Variants in TTC23 observed in about 807,000 individuals in gnomAD.
TTC23 encodes tetratricopeptide repeat protein 23.
TTC23 carries 58 observed loss-of-function variants against 55.1 expected under a neutral mutation model. That is an observed-to-expected ratio of 1.05 (90% CI 0.85 to 1.31). The LOEUF (loss-of-function observed/expected upper bound fraction) is 1.31. Ranked by LOEUF, TTC23 falls within the 50% of genes most tolerant of loss-of-function variation. The probability of loss-of-function intolerance (pLI) is 0.00; values close to 1 mark genes in which losing one functional copy is unlikely to be tolerated. For missense variants in TTC23, 516 were observed against 534.4 expected, an observed-to-expected ratio of 0.97 and a Z score of 0.34; for synonymous variants, 203 against 199.9, an observed-to-expected ratio of 1.02 and a Z score of -0.13.
intron 9 of TTC23, among the ~76,000 whole-genome samples, chr15:99,189,809 C>T (rs2075069831): frequency 6.6e-6 from 1 of 152,094 alleles, no homozygotes; most frequent in Non-Finnish European, 1.5e-5. Context: ...GTGGATCTTG[C>T]ATTGGAGGAA....
Position 99,161,874 on chromosome 15 carries a change from A to G in TTC23, c.866-7T>C, listed in dbSNP as rs560033112. 6.3e-7 allele frequency: 1 copy of G among 1,590,464 alleles called. No individual in the cohort carries two copies. Among genetic ancestry groups the G allele is most frequent in the Admixed American group, 1.9e-5 (1 of 52,952 alleles). On this transcript the variant is annotated splice_region_variant and splice_polypyrimidine_tract_variant and intron_variant, in intron 10 of 13. Transcript: ENST00000394132. Reference sequence around the variant, plus strand: ...AAATACTGCTCAGCTACATCTGAAGAAAAGCATTTATCATAACTTTGAAAA... The same window carrying G: ...AAATACTGCTCAGCTACATCTGAAGGAAAGCATTTATCATAACTTTGAAAA...
chr15:99,142,127 CTCTGAGG>C (rs2068302197), intron 12 of TTC23, among the ~76,000 whole-genome samples: 1 of 152,128 alleles, frequency 6.6e-6, no homozygotes, highest in South Asian at 2.1e-4. Context: ...AGCTCCGTTG[CTCTGAGG>C]GGAGGGGATG....
intron 12 of TTC23, among the ~76,000 whole-genome samples, chr15:99,152,198 C>G (rs1056635131): frequency 6.6e-6 from 1 of 152,166 alleles, no homozygotes; most frequent in Non-Finnish European, 1.5e-5. Context: ...CTTGCTCCTG[C>G]TTTCCCCATG....
chr15:99,226,694 G>A (rs1465546923), intron 5 of TTC23, among the ~76,000 whole-genome samples: 2 of 152,006 alleles, frequency 1.3e-5, no homozygotes, highest in African/African-American at 2.4e-5. Flanking sequence ...AGATTTATGT[G>A]TGCTGTTTCC....
intron 12 of TTC23, among the ~76,000 whole-genome samples, chr15:99,153,251 C>A (rs1268813454): frequency 6.6e-6 from 1 of 152,206 alleles, no homozygotes; most frequent in African/African-American, 2.4e-5. Flanking sequence ...ATATTTCTTC[C>A]TGGCTAGACT....
chr15:99,164,249 T>C (rs2071754670), intron 10 of TTC23, among the ~76,000 whole-genome samples: 1 of 152,234 alleles, frequency 6.6e-6, no homozygotes, highest in South Asian at 2.1e-4. Flanking sequence ...ATTGTTGCTA[T>C]TCAACTCTGC....
intron 8 of TTC23, among the ~76,000 whole-genome samples, chr15:99,215,367 A>C (rs1195008749): frequency 6.6e-6 from 1 of 152,174 alleles, no homozygotes; most frequent in Admixed American, 6.5e-5. Flanking sequence ...TTGTTCAGGA[A>C]GTGGTTAAAT....
intron 9 of TTC23, among the ~76,000 whole-genome samples, chr15:99,197,905 CAAAAAAAAAAAAGA>C (rs1397587235): frequency 1.6e-5 from 2 of 128,568 alleles, no homozygotes; most frequent in African/African-American, 2.9e-5. Context: ...TCCGCTCAAA[CAAAAAAAAAAAAGA>C]AAAAAGAAAA....
At chr15:99,213,584 T>C (rs1232258286) in intron 8 of TTC23, among the ~76,000 whole-genome samples, 1 of 152,230 alleles carries the variant, frequency 6.6e-6, no homozygotes, top group African/African-American at 2.4e-5. Flanking sequence ...ACCTAATTTC[T>C]GGCAGGAAGG....
At chr15:99,240,825 C>T (rs1360266033) in intron 3 of TTC23, among the ~76,000 whole-genome samples, 2 of 152,160 alleles carry the variant, frequency 1.3e-5, no homozygotes, top group East Asian at 1.9e-4. Flanking sequence ...TTTTTATACA[C>T]CATTTGACTT....
chr15:99,232,411 G>A (rs575025934), intron 4 of TTC23, among the ~76,000 whole-genome samples: 8 of 151,438 alleles, frequency 5.3e-5, no homozygotes, highest in East Asian at 2.0e-4. Context: ...CTTGGGAGGC[G>A]GAGGTTGCAG....
chr15:99,248,550 C>G (rs1307243462), intron 1 of TTC23, among the ~76,000 whole-genome samples: 2 of 152,194 alleles, frequency 1.3e-5, no homozygotes, highest in Non-Finnish European at 2.9e-5. Context: ...GAGTCTTACC[C>G]ATACTGTGAA....
intron 12 of TTC23, among the ~76,000 whole-genome samples, chr15:99,149,648 TAA>T (rs1239076072): frequency 6.6e-6 from 1 of 152,152 alleles, no homozygotes; most frequent in African/African-American, 2.4e-5. Context: ...TGGCATAGAG[TAA>T]AGAGTCGGGC....
At chr15:99,233,708 C>G (rs550461089) in intron 4 of TTC23, among the ~76,000 whole-genome samples, 5 of 152,286 alleles carry the variant, frequency 3.3e-5, no homozygotes, top group African/African-American at 1.2e-4. Context: ...ACTCTCAATA[C>G]TTCTATACAG....
chr15:99,236,423 T>A lies in TTC23; in HGVS notation c.-113-1343A>T, dbSNP rs78260815. Among the ~76,000 whole-genome samples, 10 of 152,332 alleles carry A rather than the reference T, an allele frequency of 6.6e-5. No individual in the cohort carries two copies. In the East Asian group the frequency reaches 1.9e-3, roughly 29 times the overall value. On this transcript the variant is annotated intron_variant, in intron 3 of 13. Transcript: ENST00000394132. The stretch of plus-strand genomic sequence containing the variant: ...TCTTCTCATGTACTTATTGGCCATC[T>A]GTATACTTACTTTGGATAAATGTCT...
At chr15:99,163,787 A>C (rs1181548003) in intron 10 of TTC23, among the ~76,000 whole-genome samples, 2 of 152,222 alleles carry the variant, frequency 1.3e-5, no homozygotes, top group Non-Finnish European at 2.9e-5. Context: ...GTGAGGACAC[A>C]GTGAAAAGAT....
chr15:99,249,761 A>G (rs1212973211), upstream of TTC23: 2 of 152,278 alleles, frequency 1.3e-5, no homozygotes, highest in Middle Eastern at 3.4e-3. Flanking sequence ...GAAGTTTGTC[A>G]AAGAACGTGA....
At chr15:99,223,842 C>A (rs556242831) in intron 5 of TTC23, among the ~76,000 whole-genome samples, 1 of 152,284 alleles carries the variant, frequency 6.6e-6, no homozygotes, top group South Asian at 2.1e-4. Context: ...TGGTTTTAAG[C>A]CACTAAGTTA....
chr15:99,139,441 C>T lies in TTC23; in HGVS notation c.1144-42G>A, dbSNP rs371971238. On this transcript the variant is annotated intron_variant, in intron 12 of 13. Transcript: ENST00000394132. ...AGCTATCATGAGGCTATGGAAGTGT[C>T]GCTGAGAGCAGGAAACTAAGGTCTC... 1.3e-4 allele frequency: 216 copies of T among 1,613,072 alleles called. 2 individuals carry two copies. The East Asian group carries it at 1.5e-3, about 11-fold the overall frequency.
Sources: allele counts gnomAD v4.1 joint callset (sites outside exome capture counted in the v4.1 genomes callset), GRCh38; gene constraint gnomAD v4.1.1; transcripts MANE v1.5; gene names NCBI Gene and HGNC (gene_info 2026-07-23, HGNC 2026-07-21).